Variants in VRK2 observed in about 807,000 individuals in gnomAD.
The protein encoded by VRK2 is serine/threonine-protein kinase VRK2.
In VRK2, 60 loss-of-function variants were observed where a neutral mutation model predicts 57.6. That is an observed-to-expected ratio of 1.04 (90% confidence interval 0.85 to 1.29). The LOEUF is 1.29. Ranked by LOEUF, VRK2 falls within the 50% of genes most tolerant of loss-of-function variation. The probability of loss-of-function intolerance (pLI) is 0.00; values close to 1 mark genes in which losing one functional copy is unlikely to be tolerated. For synonymous variants in VRK2, 231 were observed against 199.2 expected (o/e 1.16, Z -1.35); for missense variants, 705 against 588.1 (o/e 1.20, Z -2.06).
chr2:58,128,316 T>C (rs1309386566), intron 8 of VRK2, among the ~76,000 whole-genome samples: 1 of 152,166 alleles, frequency 6.6e-6, no homozygotes, highest in African/African-American at 2.4e-5. Flanking sequence ...TTAAAACTAA[T>C]GATGGAGGCA....
chr2:57,951,027 G>T (rs920754834), intron 1 of VRK2, among the ~76,000 whole-genome samples: 1 of 152,156 alleles, frequency 6.6e-6, no homozygotes, highest in Non-Finnish European at 1.5e-5. Flanking sequence ...AGGAGGCAAA[G>T]GTTGCAGTGA....
intron 3 of VRK2, among the ~76,000 whole-genome samples, chr2:58,035,666 C>T (rs1217203032): frequency 2.6e-5 from 4 of 152,118 alleles, no homozygotes; most frequent in East Asian, 1.9e-4. Context: ...TTCAACATTG[C>T]TAACTTTACT....
chr2:58,127,469 T>G (rs1678544538), intron 8 of VRK2, among the ~76,000 whole-genome samples: 3 of 152,178 alleles, frequency 2.0e-5, no homozygotes, highest in Admixed American at 6.5e-5. Flanking sequence ...AGGCCTGGGT[T>G]TAATATTTTA....
chr2:58,007,453 C>T (rs766762090), intron 1 of VRK2, among the ~76,000 whole-genome samples: 2 of 151,868 alleles, frequency 1.3e-5, no homozygotes, highest in African/African-American at 2.4e-5. Context: ...CCTTTTCCTC[C>T]TCCTCCCCAC....
At chr2:57,998,350 G>A (rs1481195069) in intron 1 of VRK2, among the ~76,000 whole-genome samples, 1 of 152,130 alleles carries the variant, frequency 6.6e-6, no homozygotes, top group East Asian at 1.9e-4. Context: ...TCAATAAAAT[G>A]TGAAGGTAAA....
intron 1 of VRK2, among the ~76,000 whole-genome samples, chr2:57,915,476 A>G (rs1027037694): frequency 2.6e-5 from 4 of 152,170 alleles, no homozygotes; most frequent in African/African-American, 9.7e-5. Context: ...AAAAATAAAG[A>G]TACAATAATT....
At chr2:58,043,059 C>T (rs1674525947), upstream of VRK2, among the ~76,000 whole-genome samples, 1 of 152,094 alleles carries the variant, frequency 6.6e-6, no homozygotes, top group South Asian at 2.1e-4. Context: ...CTCCTGTTGC[C>T]ATTTTTATTT....
chr2:58,122,529 G>A (rs952903893), intron 7 of VRK2, among the ~76,000 whole-genome samples: 11 of 152,210 alleles, frequency 7.2e-5, no homozygotes, highest in African/African-American at 2.7e-4. Context: ...AGTGGAAGTG[G>A]ATCATCATGA....
intron 1 of VRK2, among the ~76,000 whole-genome samples, chr2:57,915,252 T>C (rs909634380): frequency 6.6e-6 from 1 of 152,170 alleles, no homozygotes; most frequent in Non-Finnish European, 1.5e-5. Flanking sequence ...CATAAAACTT[T>C]ACAATAGTGA....
intron 1 of VRK2, among the ~76,000 whole-genome samples, chr2:57,959,896 C>T (rs1169994004): frequency 1.3e-5 from 2 of 151,906 alleles, no homozygotes; most frequent in Non-Finnish European, 2.9e-5. Flanking sequence ...TAGGAGGTAG[C>T]CTTAGAGGGG....
rs147019487 is a variant in VRK2, at chr2:58,137,224, C to CATAT, written c.856+2026_856+2029dup. Among the ~76,000 whole-genome samples the CATAT allele has an allele frequency of 5.8e-3, 378 of 65,046 alleles. 36 individuals are homozygous for CATAT. The highest frequency in any genetic ancestry group is 0.025 in the African/African-American group (293 of 11,900). The allele number at this position is 65,046 out of a possible 152,430, so 42.7% of individuals were successfully genotyped here. Reference sequence around the variant, plus strand: ...TATCTCATATATGATACATATATATCATATGATACATATATATCATATATA... The same window carrying CATAT: ...TATCTCATATATGATACATATATATCATATATATGATACATATATATCATATATA... On this transcript the variant is annotated intron_variant, in intron 10 of 12. Coordinates refer to ENST00000340157, the MANE Select transcript of VRK2 (RefSeq NM_006296.7).
intron 1 of VRK2, among the ~76,000 whole-genome samples, chr2:58,003,083 T>C (rs1673138491): frequency 6.6e-6 from 1 of 152,158 alleles, no homozygotes; most frequent in Admixed American, 6.5e-5. Context: ...TCTCAAAAAG[T>C]AAAATTTCCA....
At chr2:58,123,763 G>A (rs1677877331) in intron 8 of VRK2, among the ~76,000 whole-genome samples, 1 of 151,756 alleles carries the variant, frequency 6.6e-6, no homozygotes, top group Non-Finnish European at 1.5e-5. Context: ...GAGGTGGGAG[G>A]AGGATCACTT....
At chr2:57,923,073 T>A (rs915135672) in intron 1 of VRK2, among the ~76,000 whole-genome samples, 2 of 152,082 alleles carry the variant, frequency 1.3e-5, no homozygotes, top group Non-Finnish European at 2.9e-5. Flanking sequence ...TACGGCTGAA[T>A]AGTACTCCAT....
upstream of VRK2, among the ~76,000 whole-genome samples, chr2:58,042,070 C>T (rs569604054): frequency 6.6e-6 from 1 of 152,268 alleles, no homozygotes; most frequent in South Asian, 2.1e-4. Context: ...AGGCTGTATC[C>T]CGGGCATGTC....
At chr2:58,124,104 C>G (rs892069752) in intron 8 of VRK2, among the ~76,000 whole-genome samples, 4 of 152,114 alleles carry the variant, frequency 2.6e-5, no homozygotes, top group African/African-American at 9.7e-5. Context: ...GATTGTACTG[C>G]CTTGCATTCC....
In VRK2 at chr2:58,112,816, T is replaced by C. The variant is rs936310709; in HGVS notation, c.544-10285T>C. Among the ~76,000 whole-genome samples the C allele has an allele frequency of 2.0e-5, 3 of 152,136 alleles. No individual in the cohort carries two copies. The East Asian group carries it at 5.8e-4, about 29-fold the overall frequency. On this transcript the variant is annotated intron_variant, in intron 7 of 12. Transcript: ENST00000340157. ...GAGCTCTGGGGGACATTGCAGCACA[T>C]TGTGGGAAGCTGAAGGGTGGAACTT...
intron 1 of VRK2, among the ~76,000 whole-genome samples, chr2:57,996,367 G>C (rs1038935073): frequency 1.3e-5 from 2 of 152,312 alleles, no homozygotes; most frequent in South Asian, 2.1e-4. Context: ...AGAAGAGTTG[G>C]TTAACGCCCA....
At chr2:58,061,628 C>T (rs1435574416) in intron 2 of VRK2, among the ~76,000 whole-genome samples, 2 of 151,744 alleles carry the variant, frequency 1.3e-5, no homozygotes, top group South Asian at 2.1e-4. Context: ...TTATATTCCA[C>T]AGTAAAAATC....
Sources: allele counts gnomAD v4.1 joint callset (sites outside exome capture counted in the v4.1 genomes callset), GRCh38; gene constraint gnomAD v4.1.1; transcripts MANE v1.5; gene names NCBI Gene and HGNC (gene_info 2026-07-23, HGNC 2026-07-21).